The following LMBR1 variants were observed in gnomAD, a reference collection of about 807,000 sequenced individuals.
LMBR1 encodes limb region 1 protein homolog.
A neutral mutation model predicts 73.9 loss-of-function variants in LMBR1; 52 were observed. The observed-to-expected ratio is 0.70, with a 90% CI of 0.56 to 0.89. LMBR1 has a LOEUF of 0.89. LMBR1 is among the 40% of genes least tolerant of loss of function. LMBR1 has a pLI of 0.00. For missense variants in LMBR1, 539 were observed against 579.8 expected, an observed-to-expected ratio of 0.93 and a Z score of 0.72; for synonymous variants, 215 against 209.4, an observed-to-expected ratio of 1.03 and a Z score of -0.23.
chr7:156,856,303 G>A (rs989664391), intron 1 of LMBR1, among the ~76,000 whole-genome samples: 1 of 152,134 alleles, frequency 6.6e-6, no homozygotes, highest in Non-Finnish European at 1.5e-5. Flanking sequence ...TAATTAGCAA[G>A]AATTTTTTTT....
At chr7:156,888,714 T>A (rs933751704) in intron 1 of LMBR1, among the ~76,000 whole-genome samples, 1 of 151,720 alleles carries the variant, frequency 6.6e-6, no homozygotes, top group Non-Finnish European at 1.5e-5. Flanking sequence ...GGCCAGGAGT[T>A]CAAGAACAGC....
chr7:156,717,818 G>T (rs1485064879), intron 15 of LMBR1, among the ~76,000 whole-genome samples: 2 of 152,164 alleles, frequency 1.3e-5, no homozygotes, highest in East Asian at 3.9e-4. Flanking sequence ...GTAATACTCA[G>T]GTGAGATTTT....
chr7:156,888,215 C>A (rs1802259373), intron 1 of LMBR1, among the ~76,000 whole-genome samples: 1 of 151,196 alleles, frequency 6.6e-6, no homozygotes, highest in African/African-American at 2.4e-5. Context: ...TCAAGACCTT[C>A]CTGGCTAACA....
chr7:156,816,966 T>C (rs1834007943), intron 4 of LMBR1, among the ~76,000 whole-genome samples: 1 of 152,168 alleles, frequency 6.6e-6, no homozygotes, highest in South Asian at 2.1e-4. Context: ...TTTAGAAAGG[T>C]AAAATTACAT....
At chr7:156,727,341 T>C (rs1006581069) in intron 12 of LMBR1, among the ~76,000 whole-genome samples, 2 of 152,150 alleles carry the variant, frequency 1.3e-5, no homozygotes, top group Non-Finnish European at 2.9e-5. Context: ...AAATATACTA[T>C]AGGGCTTGGG....
intron 8 of LMBR1, among the ~76,000 whole-genome samples, chr7:156,760,984 G>A (rs1380624688): frequency 6.6e-6 from 1 of 152,250 alleles, no homozygotes; most frequent in Non-Finnish European, 1.5e-5. Context: ...AACGTTCAAA[G>A]CTATGTAGAC....
intron 1 of LMBR1, among the ~76,000 whole-genome samples, chr7:156,841,135 A>G (rs976045713): frequency 2.0e-5 from 3 of 152,080 alleles, no homozygotes; most frequent in African/African-American, 7.3e-5. Context: ...AGCAGACATG[A>G]TAAGATTTGC....
In LMBR1 at chr7:156,881,182, A is replaced by G. The variant is rs1265657767; in HGVS notation, c.66+11746T>C. On this transcript the variant is annotated intron_variant, in intron 1 of 16. Coordinates refer to ENST00000353442, the MANE Select transcript of LMBR1 (RefSeq NM_022458.4). The stretch of plus-strand genomic sequence containing the variant: ...GGAACAGAACAGAGAGCCCAGAAAT[A>G]AATCCATTTATGTACAGTCACCTGA... Among the ~76,000 whole-genome samples the G allele has an allele frequency of 2.0e-5, 3 of 152,212 alleles. No individual in the cohort carries two copies. In the East Asian group the frequency reaches 5.8e-4, roughly 29 times the overall value.
At chr7:156,814,856 C>A (rs1833650789) in intron 4 of LMBR1, among the ~76,000 whole-genome samples, 2 of 152,118 alleles carry the variant, frequency 1.3e-5, no homozygotes, top group African/African-American at 4.8e-5. Context: ...CCTGTCTCAA[C>A]ATCATAAAAA....
intron 1 of LMBR1, among the ~76,000 whole-genome samples, chr7:156,844,566 G>GA (rs930444742): frequency 3.5e-5 from 4 of 114,328 alleles, no homozygotes; most frequent in African/African-American, 1.3e-4. Flanking sequence ...CCAAAAAAAA[G>GA]AAAAAAACAG....
intron 4 of LMBR1, among the ~76,000 whole-genome samples, chr7:156,820,386 A>G (rs1243080886): frequency 6.6e-6 from 1 of 152,184 alleles, no homozygotes; most frequent in African/African-American, 2.4e-5. Context: ...TTTAGTTCAC[A>G]GAAATCTTGA....
At chr7:156,729,527 G>A (rs1443666448) in intron 10 of LMBR1, among the ~76,000 whole-genome samples, 4 of 147,554 alleles carry the variant, frequency 2.7e-5, no homozygotes, top group African/African-American at 1.0e-4. Context: ...AGGCTGGAGT[G>A]CAGTGGCACA....
intron 2 of LMBR1, among the ~76,000 whole-genome samples, chr7:156,835,738 A>C (rs1444458699): frequency 1.3e-5 from 2 of 151,760 alleles, no homozygotes; most frequent in Admixed American, 6.6e-5. Context: ...GAATGTGTTA[A>C]TGTCTCCATA....
chr7:156,763,890 G>A (rs1029503609), intron 5 of LMBR1, 95 bp from the exon 6 acceptor site: 4 of 918,434 alleles, frequency 4.4e-6, no homozygotes, highest in Admixed American at 3.5e-5. Context: ...TAATCCCTTG[G>A]AAGGAGAGGA....
At chr7:156,888,500 T>C (rs900831414) in intron 1 of LMBR1, among the ~76,000 whole-genome samples, 25 of 152,076 alleles carry the variant, frequency 1.6e-4, no homozygotes, top group Non-Finnish European at 2.9e-4. Context: ...TAATAGATAT[T>C]TGCATACCCA....
At chr7:156,839,159 C>T (rs1838205144) in intron 1 of LMBR1, among the ~76,000 whole-genome samples, 1 of 149,650 alleles carries the variant, frequency 6.7e-6, no homozygotes, top group South Asian at 2.1e-4. Context: ...AAGTGATTCT[C>T]CTGCCTCAGC....
chr7:156,732,210 C>T (rs1275455550), intron 10 of LMBR1, among the ~76,000 whole-genome samples: 1 of 152,026 alleles, frequency 6.6e-6, no homozygotes, highest in Non-Finnish European at 1.5e-5. Context: ...GATAATGAAA[C>T]AACAGTTTTC....
At position 156,889,307 on chromosome 7, in the gene LMBR1, A is replaced by T. The variant is rs563757581; in HGVS notation, c.66+3621T>A. ...TGGATAGTGGTGGTGGTTGCACAAC[A>T]ATGTGAATGTATTTAACGCCACTGA... On this transcript the variant is annotated intron_variant, in intron 1 of 16. Coordinates refer to ENST00000353442, the MANE Select transcript of LMBR1 (RefSeq NM_022458.4). Among the ~76,000 whole-genome samples, 3 of 152,298 alleles carry T rather than the reference A, an allele frequency of 2.0e-5. No individual in the cohort carries two copies. In the South Asian group the frequency reaches 6.2e-4, roughly 32 times the overall value.
intron 4 of LMBR1, among the ~76,000 whole-genome samples, chr7:156,808,658 A>G (rs1832571980): frequency 6.6e-6 from 1 of 152,070 alleles, no homozygotes; most frequent in Admixed American, 6.5e-5. Context: ...CCCTTCTTCT[A>G]TGTTCCCACA....
Sources: gnomAD v4.1 joint callset for allele counts (sites outside exome capture counted in the v4.1 genomes callset) on GRCh38, gnomAD v4.1.1 for gene constraint, MANE v1.5 for transcripts, NCBI Gene and HGNC (gene_info 2026-07-23, HGNC 2026-07-21) for gene names.